MLLT10: variants seen among roughly 807,000 people sequenced by gnomAD.
MLLT10 encodes the protein protein AF-10.
In MLLT10, 30 loss-of-function variants were observed where a neutral mutation model predicts 129.1. The ratio of observed to expected loss-of-function variants is 0.23; its 90% confidence interval spans 0.17 to 0.32. The LOEUF (loss-of-function observed/expected upper bound fraction) is 0.32. Ranked by LOEUF, MLLT10 falls within the 10% of genes least tolerant of loss-of-function variation. MLLT10 has a pLI of 1.00. For synonymous variants in MLLT10, 490 were observed against 446.4 expected, an observed-to-expected ratio of 1.10 and a Z score of -1.23; for missense variants, 1,119 against 1,268.3, an observed-to-expected ratio of 0.88 and a Z score of 1.79.
intron 9 of MLLT10, among the ~76,000 whole-genome samples, chr10:21,655,606 C>T (rs2049497232): frequency 6.6e-6 from 1 of 152,032 alleles, no homozygotes; most frequent in Admixed American, 6.6e-5. Flanking sequence ...GACTAGAGGG[C>T]CTGTAGTTTG....
chr10:21,720,388 C>G (rs1333151368), intron 14 of MLLT10, among the ~76,000 whole-genome samples: 1 of 152,116 alleles, frequency 6.6e-6, no homozygotes, highest in Non-Finnish European at 1.5e-5. Flanking sequence ...GCCTTACTGG[C>G]GGTAGCTGAC....
intron 3 of MLLT10, among the ~76,000 whole-genome samples, chr10:21,581,572 G>A (rs1231705584): frequency 6.6e-6 from 1 of 151,940 alleles, no homozygotes; most frequent in Admixed American, 6.6e-5. Flanking sequence ...ATCTCGAATT[G>A]TAATCCCTAT....
chr10:21,688,311 CTTTA>C (rs1238846655), intron 13 of MLLT10, among the ~76,000 whole-genome samples: 1 of 152,110 alleles, frequency 6.6e-6, no homozygotes, highest in African/African-American at 2.4e-5. Context: ...TTACTACTCT[CTTTA>C]TTTAGAGCAC....
rs764303913 is a variant in MLLT10, at chr10:21,681,357, T to C, written c.1647T>C (p.Asp549=). ...GSEISMQYRH[D]GACPTTTFSE... ...AAATTTCCATGCAGTATCGGCATGA[T>C]GGAGCTTGCCCAACAACTAGTAAGT... The change falls in exon 12 of 23, where the codon GAT becomes GAC. Residue 549 remains aspartate, a synonymous_variant. Transcript: ENST00000307729. The C allele has an allele frequency of 1.2e-6, 2 of 1,612,424 alleles. No individual in the cohort carries two copies. Among genetic ancestry groups the C allele is most frequent in the South Asian group, 1.1e-5 (1 of 90,738 alleles).
intron 8 of MLLT10, among the ~76,000 whole-genome samples, chr10:21,627,839 C>T (rs1196571533): frequency 2.0e-5 from 3 of 152,054 alleles, no homozygotes; most frequent in Non-Finnish European, 4.4e-5. Context: ...CTGCTTTTTA[C>T]TATAAACAGT....
In MLLT10 at chr10:21,676,720, C is replaced by CAAAAAAAAAAAAAAAAAA. The variant is rs56000691; in HGVS notation, c.1621+2820_1621+2837dup. On this transcript the variant is annotated intron_variant, in intron 11 of 22. Transcript: ENST00000307729. ...TGGGAGACAGAGCGAGACTCCATCT[C>CAAAAAAAAAAAAAAAAAA]AAAAAAAAAAAAAAAAAAAAAAAAA... Among the ~76,000 whole-genome samples the CAAAAAAAAAAAAAAAAAA allele has an allele frequency of 2.5e-4, 8 of 32,012 alleles. 2 individuals are homozygous for CAAAAAAAAAAAAAAAAAA. Among genetic ancestry groups the CAAAAAAAAAAAAAAAAAA allele is most frequent in the African/African-American group, 2.8e-4 (3 of 10,794 alleles). 21.0% of individuals were successfully genotyped at this position (32,012 alleles called of 152,430 possible). A position where few individuals can be genotyped will look rare whatever the true frequency, so the allele number is the denominator to read the frequency against.
intron 16 of MLLT10, among the ~76,000 whole-genome samples, chr10:21,730,134 G>A (rs1204531168): frequency 2.7e-5 from 4 of 146,944 alleles, no homozygotes; most frequent in African/African-American, 9.9e-5. Flanking sequence ...CCGCCTCCCC[G>A]CCCAAAAAAA....
intron 13 of MLLT10, among the ~76,000 whole-genome samples, chr10:21,695,434 C>T (rs991130723): frequency 1.3e-5 from 2 of 152,146 alleles, no homozygotes; most frequent in Non-Finnish European, 2.9e-5. Context: ...ATTGAATAAC[C>T]AGGGGATAGC....
chr10:21,678,860 T>G (rs750253836), intron 11 of MLLT10, among the ~76,000 whole-genome samples: 1 of 152,202 alleles, frequency 6.6e-6, no homozygotes. Flanking sequence ...TGGAACAGCC[T>G]TGTGAAATAG....
chr10:21,710,195 C>CT (rs1215539261), intron 13 of MLLT10, among the ~76,000 whole-genome samples: 2 of 152,194 alleles, frequency 1.3e-5, no homozygotes, highest in East Asian at 3.8e-4. Flanking sequence ...ATGCTGAGAA[C>CT]TTTCCCTGGG....
At chr10:21,696,435 C>T (rs528040486) in intron 13 of MLLT10, among the ~76,000 whole-genome samples, 21 of 152,140 alleles carry the variant, frequency 1.4e-4, no homozygotes, top group African/African-American at 5.1e-4. Context: ...CAGAAATTCT[C>T]CTATTGATTG....
chr10:21,623,914 C>T (rs553641097), intron 8 of MLLT10, among the ~76,000 whole-genome samples: 2 of 151,596 alleles, frequency 1.3e-5, no homozygotes, highest in African/African-American at 4.9e-5. Flanking sequence ...GACTTTTAAT[C>T]TATGGTTCTT....
At chr10:21,626,860 G>C (rs2046501003) in intron 8 of MLLT10, among the ~76,000 whole-genome samples, 2 of 152,198 alleles carry the variant, frequency 1.3e-5, no homozygotes, top group Non-Finnish European at 2.9e-5. Flanking sequence ...TATGTGAAGA[G>C]TTAAGAGAGG....
intron 13 of MLLT10, among the ~76,000 whole-genome samples, chr10:21,704,179 T>TG (rs1239968564): frequency 6.6e-6 from 1 of 150,670 alleles, no homozygotes; most frequent in African/African-American, 2.4e-5. Context: ...CTGGCTGACT[T>TG]TTGTATTTTT....
intron 4 of MLLT10, among the ~76,000 whole-genome samples, chr10:21,587,555 C>T (rs904822596): frequency 1.3e-5 from 2 of 151,214 alleles, no homozygotes; most frequent in Non-Finnish European, 2.9e-5. Context: ...TATTTTTCTA[C>T]AGCTCAGTAC....
intron 13 of MLLT10, among the ~76,000 whole-genome samples, chr10:21,712,251 A>G (rs1245728176): frequency 6.8e-6 from 1 of 145,998 alleles, no homozygotes; most frequent in Non-Finnish European, 1.5e-5. Context: ...CTTTATTGCC[A>G]AGGCTGGAGT....
At chr10:21,685,830 A>T (rs1057363945) in intron 13 of MLLT10, among the ~76,000 whole-genome samples, 1 of 152,252 alleles carries the variant, frequency 6.6e-6, no homozygotes, top group African/African-American at 2.4e-5. Context: ...TATGGAACTT[A>T]TTCTAGGAAA....
intron 8 of MLLT10, among the ~76,000 whole-genome samples, 160 bp downstream of exon 8, chr10:21,617,367 T>A (rs932703254): frequency 6.6e-6 from 1 of 152,280 alleles, no homozygotes; most frequent in Middle Eastern, 3.4e-3. Flanking sequence ...ATAGGTTTAA[T>A]GCCATATTTG....
chr10:21,604,358 G>T (rs2043852848), intron 5 of MLLT10, among the ~76,000 whole-genome samples: 1 of 152,060 alleles, frequency 6.6e-6, no homozygotes, highest in Non-Finnish European at 1.5e-5. Context: ...CAGCACTTTG[G>T]GCAGGCAGAT....
Sources: gnomAD v4.1 joint callset for allele counts (sites outside exome capture counted in the v4.1 genomes callset) on GRCh38, gnomAD v4.1.1 for gene constraint, MANE v1.5 for transcripts, NCBI Gene and HGNC (gene_info 2026-07-23, HGNC 2026-07-21) for gene names.